The following DOCK7 variants were observed in gnomAD, a reference collection of about 807,000 sequenced individuals.
The protein encoded by DOCK7 is dedicator of cytokinesis 7.
A neutral mutation model predicts 271.0 loss-of-function variants in DOCK7; 138 were observed. The ratio of observed to expected loss-of-function variants is 0.51; its 90% confidence interval spans 0.44 to 0.59. DOCK7 has a LOEUF of 0.59. Among genes scored for constraint, DOCK7 ranks in the 20% least tolerant of loss-of-function variants. DOCK7 has a pLI of 0.00. For missense variants in DOCK7, 2,066 were observed against 2,592.4 expected, an observed-to-expected ratio of 0.80 and a Z score of 4.41; for synonymous variants, 823 against 876.1, an observed-to-expected ratio of 0.94 and a Z score of 1.07.
At chr1:62,473,911 A>G (rs990663273) in intron 48 of DOCK7, 71 bp downstream of exon 48, 21 of 1,253,802 alleles carry the variant, frequency 1.7e-5, no homozygotes, top group Non-Finnish European at 2.4e-5. Context: ...TGGTTCCTTA[A>G]GGCCCTTATG....
intron 19 of DOCK7, among the ~76,000 whole-genome samples, 190 bp from the exon 20 acceptor site, chr1:62,559,410 C>T (rs1326924696): frequency 6.6e-6 from 1 of 151,794 alleles, no homozygotes; most frequent in African/African-American, 2.4e-5. Context: ...ACTTCAAATA[C>T]TATTAGTTAC....
intron 37 of DOCK7, among the ~76,000 whole-genome samples, chr1:62,501,522 A>C (rs940106785): frequency 4.6e-5 from 7 of 152,230 alleles, no homozygotes; most frequent in Admixed American, 3.9e-4. Context: ...TTGAGGTACA[A>C]AGAATGACAG....
intron 13 of DOCK7, 134 bp downstream of exon 13, chr1:62,619,766 A>G: frequency 2.0e-6 from 1 of 498,852 alleles, no homozygotes; most frequent in East Asian, 3.4e-5. Context: ...TAAAGTGAAG[A>G]AGACTGACAG....
intron 4 of DOCK7, 22 bp from the exon 5 acceptor site, chr1:62,648,566 A>T (rs921662939): frequency 9.2e-6 from 11 of 1,195,226 alleles, no homozygotes; most frequent in Non-Finnish European, 1.2e-5. Flanking sequence ...AAAAAGTTAA[A>T]TAAATATCAA....
At chr1:62,565,561 C>T (rs140292163) in intron 18 of DOCK7, among the ~76,000 whole-genome samples, 2 of 152,102 alleles carry the variant, frequency 1.3e-5, no homozygotes, top group African/African-American at 4.8e-5. Context: ...GAACATATCT[C>T]AAAATAATAA....
At chr1:62,599,849 A>C (rs544722242) in intron 14 of DOCK7, among the ~76,000 whole-genome samples, 2,133 of 152,132 alleles carry the variant, frequency 0.014, 29 homozygotes, top group Non-Finnish European at 0.024. Flanking sequence ...TGTTTAGAAA[A>C]AAGCTATGTC....
chr1:62,665,125 T>C (rs933662394), intron 1 of DOCK7, among the ~76,000 whole-genome samples: 15 of 152,090 alleles, frequency 9.9e-5, no homozygotes, highest in Non-Finnish European at 1.3e-4. Flanking sequence ...TGGCTGGAAT[T>C]ACAGGCATGC....
intron 48 of DOCK7, chr1:62,458,510 G>A (rs1412203747): frequency 6.8e-6 from 1 of 147,420 alleles, no homozygotes; most frequent in Non-Finnish European, 1.5e-5. Flanking sequence ...GTCTGCCTGT[G>A]TTCAAATATT....
intron 22 of DOCK7, among the ~76,000 whole-genome samples, chr1:62,552,284 T>C (rs754843154): frequency 1.3e-5 from 2 of 152,198 alleles, no homozygotes; most frequent in East Asian, 1.9e-4. Context: ...GTATCCCTTA[T>C]AAATAACTCT....
At chr1:62,543,063 C>T (rs1193974863) in intron 24 of DOCK7, among the ~76,000 whole-genome samples, 1 of 152,044 alleles carries the variant, frequency 6.6e-6, no homozygotes. Flanking sequence ...CAAATACATG[C>T]ATGAACTTTG....
intron 21 of DOCK7, among the ~76,000 whole-genome samples, chr1:62,554,585 A>T (rs994583241): frequency 6.6e-6 from 1 of 152,022 alleles, no homozygotes; most frequent in Non-Finnish European, 1.5e-5. Context: ...AACATCCAGG[A>T]ATTATAGTGT....
At chr1:62,465,594 C>T (rs1006451819) in intron 48 of DOCK7, among the ~76,000 whole-genome samples, 4 of 152,116 alleles carry the variant, frequency 2.6e-5, no homozygotes, top group Admixed American at 6.6e-5. Flanking sequence ...CTCTGTTACC[C>T]AGGCTGCAGT....
intron 11 of DOCK7, among the ~76,000 whole-genome samples, chr1:62,630,459 C>G (rs1008926531): frequency 1.3e-5 from 2 of 152,114 alleles, no homozygotes; most frequent in Non-Finnish European, 2.9e-5. Flanking sequence ...GGGTCCCGCA[C>G]GACAGGCAGG....
At chr1:62,647,882 A>T in intron 6 of DOCK7, 106 bp from the exon 7 acceptor site, 3 of 906,322 alleles carry the variant, frequency 3.3e-6, no homozygotes, top group Non-Finnish European at 5.2e-6. Context: ...TCTTCACAAT[A>T]GAACATAGAG....
intron 22 of DOCK7, among the ~76,000 whole-genome samples, chr1:62,546,290 A>G (rs1244833707): frequency 6.6e-6 from 1 of 152,164 alleles, no homozygotes; most frequent in Non-Finnish European, 1.5e-5. Flanking sequence ...AAAATTTTAA[A>G]AAGAAAAGAA....
At position 62,524,133 on chromosome 1, in the gene DOCK7, G is replaced by A. The variant is rs368581346; in HGVS notation, c.3936+4018C>T. On this transcript the variant is annotated intron_variant, in intron 31 of 49. Coordinates refer to ENST00000635253, the MANE Select transcript of DOCK7 (RefSeq NM_001367561.1). ...TCATACTTATGGAAAAGTGCACACC[G>A]CACAAGTCTTCGGGGAAATACAAGC... Among the ~76,000 whole-genome samples the A allele has an allele frequency of 1.8e-3, 274 of 152,230 alleles. 1 individual carries two copies. Among genetic ancestry groups the A allele is most frequent in the Non-Finnish European group, 3.1e-3 (208 of 68,016 alleles).
At chr1:62,571,121 C>G (rs549556952) in intron 18 of DOCK7, among the ~76,000 whole-genome samples, 6 of 152,210 alleles carry the variant, frequency 3.9e-5, no homozygotes, top group Admixed American at 6.5e-5. Context: ...AACAGACAAC[C>G]TACACGATGG....
chr1:62,598,216 T>G (rs1040984908), intron 14 of DOCK7, among the ~76,000 whole-genome samples: 1 of 152,078 alleles, frequency 6.6e-6, no homozygotes, highest in Non-Finnish European at 1.5e-5. Context: ...AATTTCCTAT[T>G]ATAATTTCAA....
chr1:62,629,181 A>G (rs569301243), intron 11 of DOCK7: 91 of 152,340 alleles, frequency 6.0e-4, no homozygotes, highest in African/African-American at 2.0e-3. Context: ...ACAGTGTGGC[A>G]GTCCTTCAAA....
Sources: allele counts gnomAD v4.1 joint callset (sites outside exome capture counted in the v4.1 genomes callset), GRCh38; gene constraint gnomAD v4.1.1; transcripts MANE v1.5; gene names NCBI Gene and HGNC (gene_info 2026-07-23, HGNC 2026-07-21).